CACNA1E: variants seen among roughly 807,000 people sequenced by gnomAD.
The protein encoded by CACNA1E is calcium voltage-gated channel subunit alpha1 E, also known as voltage-dependent R-type calcium channel subunit alpha-1E.
In CACNA1E, 40 loss-of-function variants were observed where a neutral mutation model predicts 259.2. That is an observed-to-expected ratio of 0.15 (90% CI 0.12 to 0.20). The LOEUF is 0.20. Among genes scored for constraint, CACNA1E ranks in the 10% least tolerant of loss-of-function variants. The pLI is 1.00. For synonymous variants in CACNA1E, 1,104 were observed against 1,138.5 expected (o/e 0.97, Z 0.61); for missense variants, 1,874 against 3,040.1 (o/e 0.62, Z 9.02).
chr1:181,798,342 C>T lies in CACNA1E; in HGVS notation c.6450C>T (p.Ser2150=). Reference sequence around the variant, plus strand: ...CCATCCCCTCTGTCTCTGACACCAGCACCCCAAGAAGAAGTCGTCGGCAGC... The same window carrying T: ...CCATCCCCTCTGTCTCTGACACCAGTACCCCAAGAAGAAGTCGTCGGCAGC... The part of the protein sequence containing the change: ...ESSIPSVSDT[S]TPRRSRRQLP... Residue 2150 remains serine, a synonymous_variant, in exon 48 of 48, where the codon AGC becomes AGT. Coordinates refer to ENST00000367573, the MANE Select transcript of CACNA1E (RefSeq NM_001205293.3). The surrounding 1 kb of genome is among the most constrained non-coding windows in gnomAD (Gnocchi z 4.2). 1 of 1,609,110 alleles carries T rather than the reference C, an allele frequency of 6.2e-7. No homozygotes were observed. Among genetic ancestry groups the T allele is most frequent in the African/African-American group, 1.3e-5 (1 of 74,986 alleles).
In CACNA1E at chr1:181,352,839, C is replaced by T. The variant is rs566191818; in HGVS notation, c.-15+34716C>T. On this transcript the variant is annotated intron_variant, in intron 1 of 11. Coordinates refer to the CACNA1E transcript ENST00000524607. ...AGTGCAGGACTCAGGTTGATGAGAC[C>T]TTTCAAATAAGATCGACTCCCTGAT... Among the ~76,000 whole-genome samples, 14 of 152,240 alleles carry T rather than the reference C, an allele frequency of 9.2e-5. No homozygotes were observed. The South Asian group carries it at 2.7e-3, about 29-fold the overall frequency.
intron 12 of CACNA1E, 40 bp from the exon 13 acceptor site, chr1:181,719,711 C>T (rs748946207): frequency 8.6e-7 from 1 of 1,157,306 alleles, no homozygotes; most frequent in East Asian, 2.5e-5. Flanking sequence ...CTCTTCTCCT[C>T]TTCCTCCTCC....
intron 2 of CACNA1E, among the ~76,000 whole-genome samples, chr1:181,462,774 T>A (rs1241992870): frequency 6.6e-6 from 1 of 152,238 alleles, no homozygotes; most frequent in African/African-American, 2.4e-5. Context: ...GAATGTGTCC[T>A]TTTGCAGCAA....
chr1:181,673,714 C>A (rs957600620), intron 7 of CACNA1E, among the ~76,000 whole-genome samples: 3 of 152,162 alleles, frequency 2.0e-5, no homozygotes, highest in Non-Finnish European at 2.9e-5. Flanking sequence ...ACCCACATGG[C>A]AGCTAGAGTC....
At chr1:181,347,603 C>T (rs1229607546) in intron 1 of CACNA1E, among the ~76,000 whole-genome samples, 1 of 152,216 alleles carries the variant, frequency 6.6e-6, no homozygotes, top group Non-Finnish European at 1.5e-5. Context: ...GCCTCTGCAC[C>T]CACTCCTCCT....
At chr1:181,692,127 C>T (rs1651226246) in intron 7 of CACNA1E, among the ~76,000 whole-genome samples, 1 of 152,036 alleles carries the variant, frequency 6.6e-6, no homozygotes, top group African/African-American at 2.4e-5. Flanking sequence ...TCTCTACCAA[C>T]AAGAAAAACT....
At chr1:181,383,967 A>G (rs754563278) in intron 1 of CACNA1E, among the ~76,000 whole-genome samples, 4 of 152,216 alleles carry the variant, frequency 2.6e-5, no homozygotes, top group Non-Finnish European at 4.4e-5. Flanking sequence ...GCAACTTTCC[A>G]TGCCTCTGCT....
intron 27 of CACNA1E, among the ~76,000 whole-genome samples, 184 bp from the exon 28 acceptor site, chr1:181,755,053 T>C (rs1657966581): frequency 6.6e-6 from 1 of 152,118 alleles, no homozygotes; most frequent in South Asian, 2.1e-4. Context: ...GTCCTTGCAG[T>C]CATAACCAGC....
At chr1:181,666,923 G>A (rs1294821416) in intron 7 of CACNA1E, among the ~76,000 whole-genome samples, 1 of 152,046 alleles carries the variant, frequency 6.6e-6, no homozygotes, top group Non-Finnish European at 1.5e-5. Context: ...GGTGGAGCTA[G>A]TACATGCATT....
At chr1:181,779,180 A>T (rs1660208826) in intron 38 of CACNA1E, among the ~76,000 whole-genome samples, 1 of 152,238 alleles carries the variant, frequency 6.6e-6, no homozygotes, top group Non-Finnish European at 1.5e-5. Context: ...CCAGATAGGT[A>T]TAATGGGGTG....
chr1:181,771,983 A>T (rs1659558802), intron 36 of CACNA1E, 83 bp from the exon 37 acceptor site: 3 of 1,299,330 alleles, frequency 2.3e-6, no homozygotes, highest in Non-Finnish European at 2.2e-6. Context: ...AAGAGCGAGG[A>T]TGGGGAAATT....
At position 181,650,760 on chromosome 1, in the gene CACNA1E, C is replaced by A. The variant is rs1439888760; in HGVS notation, c.952-578C>A. Among the ~76,000 whole-genome samples, 4 of 152,194 alleles carry A rather than the reference C, an allele frequency of 2.6e-5. No individual in the cohort carries two copies. In the East Asian group the frequency reaches 7.7e-4, roughly 29 times the overall value. On this transcript the variant is annotated intron_variant, in intron 6 of 47. Transcript: ENST00000367573. ...GAGTGCAAGTGATCACTCTTCAAAT[C>A]TAGATTTATTCCTTGTTCTGGCCAG...
rs529452526 is a variant in CACNA1E, at chr1:181,701,569, A to G, written c.1056-9385A>G. 1.8e-4 allele frequency among the ~76,000 whole-genome samples: 27 copies of G among 152,328 alleles called. No homozygotes were observed. In the South Asian group the frequency reaches 5.6e-3, roughly 32 times the overall value. Reference sequence around the variant, plus strand: ...TTGATAGTATCTGTGTGCTACAATGAGGTGGCGCAGACTGGCGGAGAATTA... The same window carrying G: ...TTGATAGTATCTGTGTGCTACAATGGGGTGGCGCAGACTGGCGGAGAATTA... On this transcript the variant is annotated intron_variant, in intron 7 of 47. Transcript: ENST00000367573.
chr1:181,746,423 T>C (rs181989952), intron 25 of CACNA1E, among the ~76,000 whole-genome samples: 2 of 152,220 alleles, frequency 1.3e-5, no homozygotes, highest in East Asian at 3.9e-4. Context: ...GCAAAGCCAG[T>C]TCTTGAGCAA....
chr1:181,523,897 A>G (rs535287429), intron 3 of CACNA1E, among the ~76,000 whole-genome samples: 2 of 152,340 alleles, frequency 1.3e-5, no homozygotes, highest in African/African-American at 4.8e-5. Flanking sequence ...AGTTAGATAC[A>G]ATGCTTCACT....
intron 7 of CACNA1E, among the ~76,000 whole-genome samples, chr1:181,666,885 C>T (rs962712623): frequency 2.0e-5 from 3 of 152,016 alleles, no homozygotes; most frequent in Non-Finnish European, 4.4e-5. Context: ...GGAGCCCCAT[C>T]TTATATCTTA....
chr1:181,573,055 G>C (rs1650576813), intron 3 of CACNA1E, among the ~76,000 whole-genome samples: 1 of 152,164 alleles, frequency 6.6e-6, no homozygotes, highest in Non-Finnish European at 1.5e-5. Context: ...GACTGGATTT[G>C]ACATCAGAAG....
intron 2 of CACNA1E, among the ~76,000 whole-genome samples, chr1:181,461,684 A>G (rs1214155451): frequency 6.6e-6 from 1 of 152,070 alleles, no homozygotes; most frequent in Non-Finnish European, 1.5e-5. Context: ...TTGCTCAACC[A>G]AAAATACCAG....
In CACNA1E at chr1:181,353,549, G is replaced by A. The variant is rs146860983; in HGVS notation, c.-15+35426G>A. ...GAGAGAGAGAGAGCATGATGTGTTT[G>A]GGGAACCATTAGTAGTCTGGCATGA... On this transcript the variant is annotated intron_variant, in intron 1 of 11. Coordinates refer to the CACNA1E transcript ENST00000524607. 5.9e-5 allele frequency among the ~76,000 whole-genome samples: 9 copies of A among 152,342 alleles called. No individual in the cohort carries two copies. The East Asian group carries it at 1.2e-3, about 20-fold the overall frequency.
Sources: allele counts gnomAD v4.1 joint callset (sites outside exome capture counted in the v4.1 genomes callset), GRCh38; gene constraint gnomAD v4.1.1; non-coding constraint Gnocchi (gnomAD v3.1); transcripts MANE v1.5; gene names NCBI Gene and HGNC (gene_info 2026-07-23, HGNC 2026-07-21).